Variants in COG5 observed in about 807,000 individuals in gnomAD.
COG5 encodes conserved oligomeric Golgi complex subunit 5.
COG5 carries 86 observed loss-of-function variants against 110.4 expected under a neutral mutation model. That is an observed-to-expected ratio of 0.78 (90% confidence interval 0.65 to 0.93). The LOEUF (loss-of-function observed/expected upper bound fraction) is 0.93, where lower values mean the gene tolerates loss of function less well. Among genes scored for constraint, COG5 ranks in the 40% least tolerant of loss-of-function variants. The pLI, the probability that COG5 is intolerant of heterozygous loss-of-function variation, is 0.00. For missense variants in COG5, 1,077 were observed against 987.0 expected (o/e 1.09, Z -1.22); for synonymous variants, 360 against 334.6 (o/e 1.08, Z -0.83).
rs35993880 is a variant in COG5, at chr7:107,319,097, AT to A, written c.1108+5342del. Among the ~76,000 whole-genome samples the A allele has an allele frequency of 2.0e-3, 279 of 141,536 alleles. 3 individuals are homozygous for A. The highest frequency in any genetic ancestry group is 2.8e-3 in the Admixed American group (39 of 14,176). The allele number at this position is 141,536 out of a possible 152,430, so 92.9% of individuals were successfully genotyped here. ...TATGGCTGTATCTTCTAGTTCACTG[AT>A]TTTTTTTTTTTTCTTCTCAGGGTTA... On this transcript the variant is annotated intron_variant, in intron 11 of 21. Transcript: ENST00000297135.
rs114871351 is a variant in COG5 at position 107,479,544 on chromosome 7, T to C, written c.538+47693A>G. On this transcript the variant is annotated intron_variant, in intron 6 of 21. Transcript: ENST00000297135. ...ACAGGCAACGTGAAGGCAGAGTCAA[T>C]ATTTACTAACTAGCTAGGAAAGAAA... 5.4e-3 allele frequency among the ~76,000 whole-genome samples: 804 copies of C among 150,250 alleles called. 8 individuals carry two copies. The highest frequency in any genetic ancestry group is 0.019 in the African/African-American group (772 of 41,358).
intron 6 of COG5, among the ~76,000 whole-genome samples, chr7:107,431,301 C>T (rs1165827163): frequency 1.3e-5 from 2 of 152,122 alleles, no homozygotes; most frequent in East Asian, 3.9e-4. Context: ...ATTTGAAAAT[C>T]TACAATTATG....
intron 17 of COG5, among the ~76,000 whole-genome samples, chr7:107,243,786 A>C (rs1801840939): frequency 6.6e-6 from 1 of 152,198 alleles, no homozygotes; most frequent in Non-Finnish European, 1.5e-5. Context: ...AATCCTCAAC[A>C]AATGTAAAAG....
intron 21 of COG5, chr7:107,208,477 C>T (rs970169665): frequency 4.1e-6 from 4 of 985,230 alleles, no homozygotes; most frequent in Non-Finnish European, 4.8e-6. Flanking sequence ...GAAAAATGAA[C>T]GTGTTCAATT....
In COG5 at chr7:107,322,175, C is replaced by T. The variant is rs545622693; in HGVS notation, c.1108+2265G>A. ...AAATTCATATGTTGAAACCTACTCA[C>T]CAAATGTGATGGGGTTAGGAAGTGG... On this transcript the variant is annotated intron_variant, in intron 11 of 21. Transcript: ENST00000297135. Among the ~76,000 whole-genome samples, 26 of 152,256 alleles carry T rather than the reference C, an allele frequency of 1.7e-4. 1 individual carries two copies. In the South Asian group the frequency reaches 4.8e-3, roughly 28 times the overall value.
At chr7:107,482,320 A>AC (rs1188699525) in intron 6 of COG5, among the ~76,000 whole-genome samples, 1 of 151,710 alleles carries the variant, frequency 6.6e-6, no homozygotes, top group African/African-American at 2.4e-5. Context: ...TTAAAAAAAA[A>AC]AATTTTGTAG....
chr7:107,294,713 C>CTTTTTTT, intron 12 of COG5, among the ~76,000 whole-genome samples: 1 of 110,036 alleles, frequency 9.1e-6, no homozygotes, highest in Non-Finnish European at 1.8e-5. Context: ...AATTTTCTTT[C>CTTTTTTT]TTTTTTTTTT....
At chr7:107,225,340 T>C (rs2116347523) in intron 19 of COG5, among the ~76,000 whole-genome samples, 1 of 152,134 alleles carries the variant, frequency 6.6e-6, no homozygotes, top group South Asian at 2.1e-4. Flanking sequence ...GGAAAAACAA[T>C]GCAAGAGAGA....
intron 6 of COG5, among the ~76,000 whole-genome samples, chr7:107,490,640 C>G (rs934626616): frequency 2.0e-5 from 3 of 152,094 alleles, no homozygotes; most frequent in African/African-American, 7.2e-5. Context: ...CTACTATATA[C>G]TGGGCAGGGT....
chr7:107,431,182 T>C (rs1004433379), intron 6 of COG5, among the ~76,000 whole-genome samples: 10 of 152,228 alleles, frequency 6.6e-5, no homozygotes, highest in African/African-American at 2.2e-4. Context: ...AAATTTGTGG[T>C]AATTTGTTAC....
At chr7:107,475,225 A>G (rs764376493) in intron 6 of COG5, 22 of 1,611,398 alleles carry the variant, frequency 1.4e-5, no homozygotes, top group South Asian at 4.4e-5. Context: ...AGTTGTTTCT[A>G]TAGTAGAAGC....
At chr7:107,498,480 T>C (rs1798416408) in intron 6 of COG5, among the ~76,000 whole-genome samples, 1 of 152,118 alleles carries the variant, frequency 6.6e-6, no homozygotes, top group Admixed American at 6.6e-5. Context: ...TAGACATTTC[T>C]CCAAAGAATA....
chr7:107,387,181 A>T (rs1290717534), intron 7 of COG5, among the ~76,000 whole-genome samples: 3 of 152,212 alleles, frequency 2.0e-5, no homozygotes, highest in African/African-American at 4.8e-5. Context: ...GGTCAAGCAG[A>T]TGGTAAATTA....
intron 7 of COG5, among the ~76,000 whole-genome samples, chr7:107,373,129 A>T (rs1010262433): frequency 2.0e-5 from 3 of 152,158 alleles, no homozygotes; most frequent in Non-Finnish European, 4.4e-5. Context: ...CATTTGTTTG[A>T]CAATAAATTA....
intron 6 of COG5, among the ~76,000 whole-genome samples, chr7:107,484,341 C>T (rs1797526559): frequency 6.6e-6 from 1 of 152,116 alleles, no homozygotes; most frequent in African/African-American, 2.4e-5. Context: ...AAGAGGTGAG[C>T]CACAAATTGC....
chr7:107,283,456 T>G, intron 13 of COG5, 115 bp downstream of exon 13: 1 of 853,136 alleles, frequency 1.2e-6, no homozygotes, highest in Non-Finnish European at 1.8e-6. Flanking sequence ...TTAATTTAAT[T>G]GTGGGCCTAA....
intron 7 of COG5, among the ~76,000 whole-genome samples, chr7:107,396,755 A>G (rs1454947529): frequency 1.3e-5 from 2 of 152,228 alleles, no homozygotes; most frequent in Admixed American, 1.3e-4. Context: ...TTGGCATTAA[A>G]GTTTTTAAAT....
At chr7:107,294,312 A>C (rs1002571704) in intron 12 of COG5, among the ~76,000 whole-genome samples, 16 of 152,136 alleles carry the variant, frequency 1.1e-4, no homozygotes, top group Admixed American at 6.5e-4. Flanking sequence ...CTTGCCCTCT[A>C]CATATCCTGT....
intron 5 of COG5, among the ~76,000 whole-genome samples, chr7:107,527,890 T>C (rs2023685): frequency 0.13 from 19,096 of 152,176 alleles, 1,566 homozygotes; most frequent in East Asian, 0.33. Context: ...ACAGCATTTC[T>C]ATGGGTTAGA....
Sources: allele counts gnomAD v4.1 joint callset (sites outside exome capture counted in the v4.1 genomes callset), GRCh38; gene constraint gnomAD v4.1.1; transcripts MANE v1.5; gene names NCBI Gene and HGNC (gene_info 2026-07-23, HGNC 2026-07-21).